Variants in CELF2 observed in about 807,000 individuals in gnomAD.
The protein encoded by CELF2 is CUG triplet repeat RNA-binding protein 2.
In CELF2, 8 loss-of-function variants were observed where a neutral mutation model predicts 62.6. The ratio of observed to expected loss-of-function variants is 0.13; its 90% CI spans 0.07 to 0.23. The LOEUF (loss-of-function observed/expected upper bound fraction) is 0.23. Among genes scored for constraint, CELF2 ranks in the 10% least tolerant of loss-of-function variants. The probability of loss-of-function intolerance (pLI) is 1.00; values close to 1 mark genes in which losing one functional copy is unlikely to be tolerated. For missense variants in CELF2, 333 were observed against 671.0 expected, an observed-to-expected ratio of 0.50 and a Z score of 5.56; for synonymous variants, 258 against 250.0, an observed-to-expected ratio of 1.03 and a Z score of -0.30.
At chr10:11,312,343 G>A (rs2094605035) in intron 9 of CELF2, among the ~76,000 whole-genome samples, 1 of 152,174 alleles carries the variant, frequency 6.6e-6, no homozygotes, top group Non-Finnish European at 1.5e-5. Flanking sequence ...AAAGGAAGTG[G>A]TAAATATGTG....
intron 1 of CELF2, among the ~76,000 whole-genome samples, chr10:11,158,602 C>G (rs887094313): frequency 2.6e-5 from 4 of 152,106 alleles, no homozygotes; most frequent in Admixed American, 6.6e-5. Context: ...TCAGGTACCC[C>G]CTAGATGTCT....
chr10:11,096,875 C>G (rs1340403260), intron 1 of CELF2, among the ~76,000 whole-genome samples: 5 of 152,212 alleles, frequency 3.3e-5, no homozygotes, highest in African/African-American at 1.2e-4. Flanking sequence ...AATGAGAATT[C>G]TATACTTGAC....
upstream of CELF2, among the ~76,000 whole-genome samples, chr10:10,796,030 A>G (rs143764145): frequency 1.2e-4 from 19 of 152,192 alleles, no homozygotes; most frequent in African/African-American, 3.9e-4. Flanking sequence ...GTTGCCTTCT[A>G]CCAAAGACCA....
the CELF2 span, among the ~76,000 whole-genome samples, chr10:10,503,286 T>G: frequency 1.3e-5 from 2 of 151,990 alleles, no homozygotes; most frequent in African/African-American, 4.8e-5. Flanking sequence ...CCTTGCTAAT[T>G]TTCTATCTAG....
Position 11,086,563 on chromosome 10 carries a change from T to C in CELF2, c.74+68400T>C, listed in dbSNP as rs2046787121. 4.0e-5 allele frequency among the ~76,000 whole-genome samples: 5 copies of C among 125,850 alleles called. No individual in the cohort carries two copies. In the South Asian group the frequency reaches 8.0e-4, roughly 20 times the overall value. 82.6% of individuals were successfully genotyped at this position (125,850 alleles called of 152,430 possible). Reference sequence around the variant, plus strand: ...TCCTCTTCCACAGTGAATCCATGTCTCCATTTGCATTTGTTAAAAAAAAAA... The same window carrying C: ...TCCTCTTCCACAGTGAATCCATGTCCCCATTTGCATTTGTTAAAAAAAAAA... On this transcript the variant is annotated intron_variant, in intron 1 of 12. Coordinates refer to ENST00000633077, the MANE Select transcript of CELF2 (RefSeq NM_001326342.2).
At chr10:10,925,506 T>C (rs564329391) in intron 2 of CELF2, among the ~76,000 whole-genome samples, 1 of 152,156 alleles carries the variant, frequency 6.6e-6, no homozygotes, top group South Asian at 2.1e-4. Context: ...AGTGGTTCAG[T>C]GGCATGAAGA....
chr10:11,138,874 T>C (rs1220282986), intron 1 of CELF2, among the ~76,000 whole-genome samples: 1 of 152,234 alleles, frequency 6.6e-6, no homozygotes, highest in African/African-American at 2.4e-5. Context: ...GTGGGAAAGT[T>C]GGTGCTTACC....
At chr10:11,081,358 G>A (rs2073985509) in intron 1 of CELF2, among the ~76,000 whole-genome samples, 1 of 152,170 alleles carries the variant, frequency 6.6e-6, no homozygotes, top group Admixed American at 6.5e-5. Context: ...ATAATTGAAA[G>A]GGTGCTTCTT....
At chr10:11,132,476 A>G (rs982315020) in intron 1 of CELF2, among the ~76,000 whole-genome samples, 16 of 152,184 alleles carry the variant, frequency 1.1e-4, no homozygotes, top group African/African-American at 3.6e-4. Context: ...CAAATTAAGA[A>G]CCTTCATAAT....
chr10:10,873,837 G>T (rs947913142), intron 1 of CELF2, among the ~76,000 whole-genome samples: 3 of 152,128 alleles, frequency 2.0e-5, no homozygotes, highest in Admixed American at 6.5e-5. Context: ...CCTTTGTCCA[G>T]CCTTCTTTCT....
intron 1 of CELF2, among the ~76,000 whole-genome samples, chr10:11,158,889 T>C (rs377113159): frequency 7.2e-5 from 11 of 152,360 alleles, no homozygotes; most frequent in African/African-American, 2.4e-4. Flanking sequence ...AATGATGTCC[T>C]GTACATTCTT....
chr10:10,641,039 C>T, the CELF2 span, among the ~76,000 whole-genome samples: 1 of 152,162 alleles, frequency 6.6e-6, no homozygotes, highest in Non-Finnish European at 1.5e-5. Flanking sequence ...CTCTGAACAG[C>T]ATAACCTATG....
the CELF2 span, among the ~76,000 whole-genome samples, chr10:10,692,340 A>C: frequency 4.4e-3 from 674 of 151,506 alleles, 5 homozygotes; most frequent in African/African-American, 0.016. Context: ...ATTATTTCTG[A>C]GGGCTCTGTT....
At chr10:11,104,323 C>A (rs1439185684) in intron 1 of CELF2, among the ~76,000 whole-genome samples, 1 of 152,172 alleles carries the variant, frequency 6.6e-6, no homozygotes, top group African/African-American at 2.4e-5. Flanking sequence ...CGACTTCCAG[C>A]AAATGACATA....
At chr10:11,102,920 C>G (rs778126311) in intron 1 of CELF2, among the ~76,000 whole-genome samples, 1 of 152,144 alleles carries the variant, frequency 6.6e-6, no homozygotes, top group Non-Finnish European at 1.5e-5. Flanking sequence ...TATGGACAGA[C>G]CACTTCTCCC....
chr10:11,014,580 A>T (rs770584937), upstream of CELF2, among the ~76,000 whole-genome samples: 60 of 151,912 alleles, frequency 3.9e-4, no homozygotes, highest in Admixed American at 2.3e-3. Flanking sequence ...AGCAGTTTGT[A>T]CTCTGCGTAC....
At chr10:11,089,260 G>A (rs1285469586) in intron 1 of CELF2, among the ~76,000 whole-genome samples, 1 of 152,170 alleles carries the variant, frequency 6.6e-6, no homozygotes, top group African/African-American at 2.4e-5. Flanking sequence ...AGGCCACAGT[G>A]GAGGTTGGCA....
chr10:10,797,267 T>G (rs748147643), upstream of CELF2, among the ~76,000 whole-genome samples: 3 of 152,086 alleles, frequency 2.0e-5, no homozygotes, highest in African/African-American at 4.8e-5. Context: ...AACAAGGACA[T>G]GACAAAGCAC....
rs539366508 is a variant in CELF2, at chr10:11,180,085, A to T, written c.271+14403A>T. Among the ~76,000 whole-genome samples the T allele has an allele frequency of 3.3e-5, 5 of 152,280 alleles. No individual in the cohort carries two copies. In the East Asian group the frequency reaches 9.6e-4, roughly 29 times the overall value. On this transcript the variant is annotated intron_variant, in intron 2 of 12. Transcript: ENST00000633077. ...CAGTCACTGGGGGCCAAAGAGGAAA[A>T]CATAATAAAGAGAGTGAAAGACTTT... is the stretch of plus-strand genomic sequence containing the variant.
Sources: allele counts gnomAD v4.1 joint callset (sites outside exome capture counted in the v4.1 genomes callset), GRCh38; gene constraint gnomAD v4.1.1; transcripts MANE v1.5; gene names NCBI Gene and HGNC (gene_info 2026-07-23, HGNC 2026-07-21).